RASA1: variants seen among roughly 807,000 people sequenced by gnomAD.
The protein encoded by RASA1 is RAS p21 protein activator 1.
In RASA1, 25 loss-of-function variants were observed where a neutral mutation model predicts 132.2. The ratio of observed to expected loss-of-function variants is 0.19; its 90% CI spans 0.14 to 0.26. The LOEUF (loss-of-function observed/expected upper bound fraction) is 0.26, where lower values mean the gene tolerates loss of function less well. Ranked by LOEUF, RASA1 falls within the 10% of genes least tolerant of loss-of-function variation. The pLI is 1.00. For synonymous variants in RASA1, 477 were observed against 449.9 expected (o/e 1.06, Z -0.76); for missense variants, 964 against 1,299.2 (o/e 0.74, Z 3.97).
chr5:87,288,595 C>G (rs1475687450), intron 1 of RASA1, among the ~76,000 whole-genome samples: 2 of 152,062 alleles, frequency 1.3e-5, no homozygotes, highest in Non-Finnish European at 2.9e-5. Flanking sequence ...GTTAGCTTGT[C>G]AGGTGTCATC....
chr5:87,269,228 A>G (rs1753713504), intron 1 of RASA1: 1 of 1,556,022 alleles, frequency 6.4e-7, no homozygotes, highest in Non-Finnish European at 8.7e-7. Flanking sequence ...TAAGATGGAA[A>G]GCATGAGAAA....
At chr5:87,370,239 G>A (rs941012513) in intron 12 of RASA1, among the ~76,000 whole-genome samples, 1 of 152,132 alleles carries the variant, frequency 6.6e-6, no homozygotes, top group Non-Finnish European at 1.5e-5. Flanking sequence ...CAGTTAACCA[G>A]TTAGTTTTGC....
At chr5:87,298,383 A>G (rs898785980) in intron 1 of RASA1, among the ~76,000 whole-genome samples, 1 of 150,520 alleles carries the variant, frequency 6.6e-6, no homozygotes, top group African/African-American at 2.5e-5. Context: ...ACTGCACTCC[A>G]GCCTGGACGA....
intron 1 of RASA1, among the ~76,000 whole-genome samples, chr5:87,327,932 A>G (rs1311383452): frequency 1.3e-5 from 2 of 151,316 alleles, no homozygotes; most frequent in African/African-American, 2.4e-5. Flanking sequence ...ATGGCACTGC[A>G]CCCCAACCTG....
intron 8 of RASA1, among the ~76,000 whole-genome samples, chr5:87,352,947 G>A (rs1049501321): frequency 3.3e-5 from 5 of 151,854 alleles, no homozygotes; most frequent in African/African-American, 1.2e-4. Context: ...TCTGGGCCAT[G>A]TATTCTGGCC....
At chr5:87,292,464 G>C (rs1036410707) in intron 1 of RASA1, among the ~76,000 whole-genome samples, 3 of 149,232 alleles carry the variant, frequency 2.0e-5, no homozygotes, top group African/African-American at 7.4e-5. Context: ...TTTTTTCAAA[G>C]ATCAATTGAT....
intron 24 of RASA1, among the ~76,000 whole-genome samples, chr5:87,390,155 C>T (rs1205933185): frequency 6.6e-6 from 1 of 152,174 alleles, no homozygotes; most frequent in Non-Finnish European, 1.5e-5. Context: ...TTTGAAGGGA[C>T]TTAATACCAG....
In RASA1 at chr5:87,346,714, A is replaced by T. The variant is rs375419221; in HGVS notation, c.1092A>T (p.Leu364Phe). ...TTTCCAAACAGGAAGCTTATAATTT[A>T]CTAATGACAGGTACTTACATATTTA... is the stretch of plus-strand genomic sequence containing the variant. Reference protein sequence around the residue: ...GKISKQEAYNLLMTVGQVCSF... With the variant: ...GKISKQEAYNFLMTVGQVCSF... Residue 364 changes from leucine to phenylalanine, a missense_variant, in exon 7 of 25, where the codon TTA becomes TTT. Physicochemically the swap from Leu to Phe is conservative, Grantham distance 22. Around this residue, in one of 6 missense-constraint regions of RASA1, gnomAD observed 154 missense variants for 286.5 expected, o/e 0.54. Coordinates refer to ENST00000274376, the MANE Select transcript of RASA1 (RefSeq NM_002890.3). 3.9e-6 allele frequency: 6 copies of T among 1,552,168 alleles called. No individual in the cohort carries two copies. The highest frequency in any genetic ancestry group is 1.4e-5 in the African/African-American group (1 of 73,396).
rs1486526006 is a variant in RASA1, at chr5:87,362,213, G to A, written c.1333-338G>A. On this transcript the variant is annotated intron_variant, in intron 9 of 24. Transcript: ENST00000274376. ...CATTGGTTCCTAATCTACCAGTTATGCTGGGACAAGTTTATGTTTTTAAAA... is the reference window on the plus strand; with the variant it reads ...CATTGGTTCCTAATCTACCAGTTATACTGGGACAAGTTTATGTTTTTAAAA... Among the ~76,000 whole-genome samples the A allele has an allele frequency of 3.3e-5, 5 of 152,192 alleles. No individual in the cohort carries two copies. In the East Asian group the frequency reaches 7.7e-4, roughly 23 times the overall value.
chr5:87,391,087 A>T lies in RASA1; in HGVS notation c.*204A>T. 1 of 640,822 alleles carries T rather than the reference A, an allele frequency of 1.6e-6. No homozygotes were observed. The highest frequency in any genetic ancestry group is 2.8e-6 in the Non-Finnish European group (1 of 357,660). 39.7% of individuals were successfully genotyped at this position (640,822 alleles called of 1,614,324 possible). On this transcript the variant is annotated 3_prime_UTR_variant, in exon 25 of 25. Coordinates refer to ENST00000274376, the MANE Select transcript of RASA1 (RefSeq NM_002890.3). ...TAAGCTATCTGTGCAGGATATTTGC[A>T]CTATTTCCACATGGAATCAATCTTT...
chr5:87,341,339 A>G lies in RASA1; in HGVS notation c.1049+18A>G. On this transcript the variant is annotated intron_variant, in intron 6 of 24. Coordinates refer to ENST00000274376, the MANE Select transcript of RASA1 (RefSeq NM_002890.3). The stretch of plus-strand genomic sequence containing the variant: ...GGAAAAATGTGAGTTTGTGTTAATT[A>G]TTAAAATGAAAAAAAAAATCTATAT... 7.8e-7 allele frequency: 1 copy of G among 1,285,278 alleles called. No homozygotes were observed. The highest frequency in any genetic ancestry group is 9.8e-7 in the Non-Finnish European group (1 of 1,020,004). 79.6% of individuals were successfully genotyped at this position (1,285,278 alleles called of 1,614,324 possible).
Position 87,331,421 on chromosome 5 carries a change from C to G in RASA1, c.613C>G (p.Leu205Val), listed in dbSNP as rs1757591889. Reference sequence around the variant, plus strand: ...GCAGGCAGGGAAGTCTGGCAGTTATCTTATAAGAGAGAGTGATCGGAGGCC... The same window carrying G: ...GCAGGCAGGGAAGTCTGGCAGTTATGTTATAAGAGAGAGTGATCGGAGGCC... ...LRQAGKSGSYLIRESDRRPGS... is the reference protein window; with the variant it reads ...LRQAGKSGSYVIRESDRRPGS... The change falls in exon 2 of 25, where the codon CTT becomes GTT. Residue 205 changes from leucine to valine, a missense_variant. Physicochemically the swap from Leu to Val is conservative, Grantham distance 32. Coordinates refer to ENST00000274376, the MANE Select transcript of RASA1 (RefSeq NM_002890.3). 6.2e-7 allele frequency: 1 copy of G among 1,613,676 alleles called. No homozygotes were observed. The highest frequency in any genetic ancestry group is 1.7e-5 in the Admixed American group (1 of 59,986).
rs1754064045 is a variant in RASA1 at position 87,276,431 on chromosome 5, G to A, written c.539+7441G>A. On this transcript the variant is annotated intron_variant, in intron 1 of 24. Coordinates refer to ENST00000274376, the MANE Select transcript of RASA1 (RefSeq NM_002890.3). ...ACTTATTGATAACTATGTATGTCTT[G>A]TCACATCTCTACAGGATTTAGGGTA... Among the ~76,000 whole-genome samples, 4 of 152,122 alleles carry A rather than the reference G, an allele frequency of 2.6e-5. No homozygotes were observed. In the South Asian group the frequency reaches 8.3e-4, roughly 32 times the overall value.
intron 9 of RASA1, among the ~76,000 whole-genome samples, chr5:87,357,598 T>A (rs1580343930): frequency 6.6e-6 from 1 of 151,946 alleles, no homozygotes; most frequent in Non-Finnish European, 1.5e-5. Context: ...CCAGCTACTC[T>A]GGAGGCTGAG....
chr5:87,294,152 A>C (rs1755020475), intron 1 of RASA1: 1 of 151,910 alleles, frequency 6.6e-6, no homozygotes. Flanking sequence ...TCTATGATGA[A>C]GTTTAGATTA....
chr5:87,297,386 T>C (rs1370289136), intron 1 of RASA1, among the ~76,000 whole-genome samples: 1 of 152,166 alleles, frequency 6.6e-6, no homozygotes, highest in Non-Finnish European at 1.5e-5. Flanking sequence ...CCTTTAGTGA[T>C]GTAGTTATAA....
chr5:87,304,980 A>G (rs1052447769), intron 1 of RASA1, among the ~76,000 whole-genome samples: 2 of 120,426 alleles, frequency 1.7e-5, no homozygotes, highest in African/African-American at 6.2e-5. Flanking sequence ...GTCAGTTGTC[A>G]AATATACTTT....
At chr5:87,287,284 C>G (rs114963456) in intron 1 of RASA1, among the ~76,000 whole-genome samples, 2,656 of 144,448 alleles carry the variant, frequency 0.018, 41 homozygotes, top group Non-Finnish European at 0.028. Context: ...TATATACACA[C>G]CATATATATA....
At chr5:87,330,230 T>C (rs564536182) in intron 1 of RASA1, among the ~76,000 whole-genome samples, 44 of 152,182 alleles carry the variant, frequency 2.9e-4, no homozygotes, top group African/African-American at 1.0e-3. Context: ...TTTTTAAAAA[T>C]TAAGGAGTCA....
Sources: allele counts gnomAD v4.1 joint callset (sites outside exome capture counted in the v4.1 genomes callset), GRCh38; gene constraint gnomAD v4.1.1; regional missense constraint gnomAD v4.1.1; transcripts MANE v1.5; gene names NCBI Gene and HGNC (gene_info 2026-07-23, HGNC 2026-07-21).